Variants in TGFBR2 observed in about 807,000 individuals in gnomAD.
The protein encoded by TGFBR2 is TGF-beta receptor type-2.
Under a neutral mutation model 49.0 loss-of-function variants are expected in TGFBR2, and 18 were observed. The ratio of observed to expected loss-of-function variants is 0.37; its 90% CI spans 0.25 to 0.54. The LOEUF is 0.54. Among genes scored for constraint, TGFBR2 ranks in the 20% least tolerant of loss-of-function variants. TGFBR2 has a pLI of 0.85. For missense variants in TGFBR2, 525 were observed against 722.6 expected (o/e 0.73, Z 3.13); for synonymous variants, 282 against 275.9 (o/e 1.02, Z -0.22).
chr3:30,631,291 C>T (rs949158400), intron 1 of TGFBR2, among the ~76,000 whole-genome samples: 60 of 152,198 alleles, frequency 3.9e-4, no homozygotes, highest in African/African-American at 1.4e-3. Flanking sequence ...TCACCCACCT[C>T]GGCCTACCAG....
intron 1 of TGFBR2, among the ~76,000 whole-genome samples, chr3:30,636,953 G>T (rs1028693883): frequency 6.6e-6 from 1 of 151,682 alleles, no homozygotes; most frequent in Admixed American, 6.6e-5. Context: ...AGTCCCAGCT[G>T]CTCGGGAGGC....
chr3:30,636,836 G>A (rs1385184140), intron 1 of TGFBR2, among the ~76,000 whole-genome samples: 1 of 151,914 alleles, frequency 6.6e-6, no homozygotes, highest in African/African-American at 2.4e-5. Context: ...AGGCCAAGGT[G>A]GGCAGATCAC....
At chr3:30,643,380 C>T (rs1019400370) in intron 1 of TGFBR2, among the ~76,000 whole-genome samples, 2 of 152,216 alleles carry the variant, frequency 1.3e-5, no homozygotes, top group African/African-American at 4.8e-5. Context: ...TCATACTTCA[C>T]TGACTGTCCA....
At chr3:30,667,434 A>G (rs914101369) in intron 3 of TGFBR2, among the ~76,000 whole-genome samples, 1 of 152,162 alleles carries the variant, frequency 6.6e-6, no homozygotes, top group Non-Finnish European at 1.5e-5. Context: ...CCTGGTTGCT[A>G]TTGTTAGAGT....
intron 3 of TGFBR2, among the ~76,000 whole-genome samples, chr3:30,662,715 C>G (rs1376578294): frequency 6.6e-6 from 1 of 152,188 alleles, no homozygotes; most frequent in African/African-American, 2.4e-5. Flanking sequence ...TTCTACACTC[C>G]TCCACCAGTT....
chr3:30,673,216 A>T lies in TGFBR2; in HGVS notation c.1254+779A>T, dbSNP rs552749774. ...GTAAACATCGAAATATGGACAGACTAATGTGCCAGAGTAATGAGCCATGCA... is the reference window on the plus strand; with the variant it reads ...GTAAACATCGAAATATGGACAGACTTATGTGCCAGAGTAATGAGCCATGCA... On this transcript the variant is annotated intron_variant, in intron 4 of 6. Transcript: ENST00000295754. Among the ~76,000 whole-genome samples the T allele has an allele frequency of 5.4e-4, 82 of 152,304 alleles. 1 individual carries two copies. Among genetic ancestry groups the T allele is most frequent in the African/African-American group, 1.9e-3 (81 of 41,556 alleles).
At position 30,607,144 on chromosome 3, in the gene TGFBR2, T is replaced by G. The variant is rs1343130304; in HGVS notation, c.94+167T>G. Among the ~76,000 whole-genome samples, 13 of 152,300 alleles carry G rather than the reference T, an allele frequency of 8.5e-5. No individual in the cohort carries two copies. In the East Asian group the frequency reaches 2.3e-3, roughly 27 times the overall value. On this transcript the variant is annotated intron_variant, in intron 1 of 6. Transcript: ENST00000295754. ...GCCCGACTCCCGTAGCTGCAGGGAT[T>G]GTGAGTTTTTCTTGAAAAAGAGAAG...
intron 3 of TGFBR2, among the ~76,000 whole-genome samples, chr3:30,657,385 G>C (rs780222502): frequency 6.6e-6 from 1 of 152,134 alleles, no homozygotes; most frequent in Non-Finnish European, 1.5e-5. Flanking sequence ...GTGTATAAAC[G>C]ATGGCCAGTA....
intron 1 of TGFBR2, among the ~76,000 whole-genome samples, chr3:30,634,631 T>A (rs1219412452): frequency 6.6e-6 from 1 of 152,244 alleles, no homozygotes; most frequent in Non-Finnish European, 1.5e-5. Context: ...CGTGTATCAT[T>A]ATCTTGCCTC....
intron 4 of TGFBR2, 118 bp from the exon 5 acceptor site, chr3:30,673,987 C>A: frequency 8.7e-7 from 1 of 1,144,208 alleles, no homozygotes; most frequent in Non-Finnish European, 1.3e-6. Context: ...TTTAAAACAG[C>A]ACTTTGATTT....
chr3:30,661,168 T>A (rs1219361734), intron 3 of TGFBR2, among the ~76,000 whole-genome samples: 1 of 152,124 alleles, frequency 6.6e-6, no homozygotes, highest in Non-Finnish European at 1.5e-5. Context: ...GAAAAAGAAT[T>A]AAAGAATCAG....
intron 1 of TGFBR2, among the ~76,000 whole-genome samples, chr3:30,640,088 G>A (rs1340823847): frequency 6.6e-6 from 1 of 152,224 alleles, no homozygotes; most frequent in Non-Finnish European, 1.5e-5. Context: ...TCTGTAGGCA[G>A]TGAGTGTGGG....
intron 2 of TGFBR2, among the ~76,000 whole-genome samples, chr3:30,649,794 C>A (rs764396987): frequency 2.6e-5 from 4 of 152,074 alleles, no homozygotes; most frequent in Non-Finnish European, 5.9e-5. Flanking sequence ...GTGACTATTT[C>A]CCCAGGCATG....
intron 2 of TGFBR2, among the ~76,000 whole-genome samples, chr3:30,646,766 A>G (rs975515353): frequency 2.0e-5 from 3 of 152,132 alleles, no homozygotes; most frequent in Admixed American, 1.3e-4. Context: ...TTAAATATCT[A>G]CGGTGGTGTG....
At position 30,671,779 on chromosome 3, in the gene TGFBR2, C is replaced by T. The variant is rs1431838247; in HGVS notation, c.596C>T (p.Ser199Leu). 5 of 1,614,108 alleles carry T rather than the reference C, an allele frequency of 3.1e-6. No individual in the cohort carries two copies. In the East Asian group the frequency reaches 6.7e-5, roughly 22 times the overall value. ...YRVNRQQKLS[S>L]TWETGKTRKL... ...GTTAACCGGCAGCAGAAGCTGAGTT[C>T]AACCTGGGAAACCGGCAAGACGCGG... is the stretch of plus-strand genomic sequence containing the variant. Residue 199 changes from serine to leucine, a missense_variant, in exon 4 of 7, where the codon TCA (serine) becomes TTA (leucine). Ser to Leu is a moderately radical substitution (Grantham distance 145). Transcript: ENST00000295754.
chr3:30,672,093 A>G lies in TGFBR2; in HGVS notation c.910A>G (p.Ile304Val), dbSNP rs1383281802. The change falls in exon 4 of 7, where the codon ATA becomes GTA. Residue 304 changes from isoleucine to valine, a missense_variant. By Grantham distance (29) the Ile-to-Val change is conservative (BLOSUM62 3). Coordinates refer to ENST00000295754, the MANE Select transcript of TGFBR2 (RefSeq NM_003242.6). This position sits in a 1 kb window ranked among gnomAD's most constrained non-coding sequence, Gnocchi z 4.5. ...AGACATCAATCTGAAGCATGAGAACATACTCCAGTTCCTGACGGCTGAGGA... is the reference window on the plus strand; with the variant it reads ...AGACATCAATCTGAAGCATGAGAACGTACTCCAGTTCCTGACGGCTGAGGA... ...FSDINLKHEN[I>V]LQFLTAEERK... The G allele has an allele frequency of 6.2e-7, 1 of 1,614,132 alleles. No homozygotes were observed. Among genetic ancestry groups the G allele is most frequent in the East Asian group, 2.2e-5 (1 of 44,896 alleles).
intron 1 of TGFBR2, among the ~76,000 whole-genome samples, chr3:30,624,991 A>C (rs1698305060): frequency 1.3e-5 from 2 of 152,164 alleles, no homozygotes; most frequent in South Asian, 4.1e-4. Context: ...ATTTTCTTCA[A>C]ACTGTAATAA....
rs902970778 is a variant in TGFBR2, at chr3:30,676,167, G to A, written c.1396+1921G>A. Among the ~76,000 whole-genome samples, 32 of 152,318 alleles carry A rather than the reference G, an allele frequency of 2.1e-4. No individual in the cohort carries two copies. Among genetic ancestry groups the A allele is most frequent in the Admixed American group, 1.5e-3 (23 of 15,298 alleles). On this transcript the variant is annotated intron_variant, in intron 5 of 6. Coordinates refer to ENST00000295754, the MANE Select transcript of TGFBR2 (RefSeq NM_003242.6). The surrounding 1 kb of genome is among the most constrained non-coding windows in gnomAD (Gnocchi z 4.3). ...TATCTTCAGTGCGTCATATCAGGGGGAATAAGATGTCCATGTGTCTGGTTA... is the reference window on the plus strand; with the variant it reads ...TATCTTCAGTGCGTCATATCAGGGGAAATAAGATGTCCATGTGTCTGGTTA...
intron 1 of TGFBR2, among the ~76,000 whole-genome samples, chr3:30,643,977 G>A (rs1698685825): frequency 6.6e-6 from 1 of 152,164 alleles, no homozygotes; most frequent in Non-Finnish European, 1.5e-5. Flanking sequence ...GTGGTGATAA[G>A]GGAGAGGTAC....
Sources: gnomAD v4.1 joint callset for allele counts (sites outside exome capture counted in the v4.1 genomes callset) on GRCh38, gnomAD v4.1.1 for gene constraint, Gnocchi (gnomAD v3.1) non-coding constraint, MANE v1.5 for transcripts, NCBI Gene and HGNC (gene_info 2026-07-23, HGNC 2026-07-21) for gene names.